KIFC2: variants seen among roughly 807,000 people sequenced by gnomAD.
KIFC2 encodes kinesin-like protein KIFC2.
A neutral mutation model predicts 91.5 loss-of-function variants in KIFC2; 94 were observed. The ratio of observed to expected loss-of-function variants is 1.03; its 90% confidence interval spans 0.87 to 1.22. KIFC2 has a LOEUF of 1.22. Ranked by LOEUF, KIFC2 falls within the 50% of genes most tolerant of loss-of-function variation. The pLI is 0.00. For missense variants in KIFC2, 1,357 were observed against 1,103.3 expected, an observed-to-expected ratio of 1.23 and a Z score of -3.26; for synonymous variants, 729 against 503.9, an observed-to-expected ratio of 1.45 and a Z score of -5.98.
In KIFC2 at chr8:144,467,699, C is replaced by G. The variant is rs771077171; in HGVS notation, c.616-15C>G. 6.2e-6 allele frequency: 10 copies of G among 1,613,510 alleles called. No homozygotes were observed. In the South Asian group the frequency reaches 8.8e-5, roughly 14 times the overall value. ...GAAAAAGGAGGTCCACCCTGTCTCT[C>G]TTACTTCTCCCCAGCTGGAGGAGCT... On this transcript the variant is annotated splice_polypyrimidine_tract_variant and intron_variant, in intron 5 of 17. Transcript: ENST00000645548.
intron 12 of KIFC2, among the ~76,000 whole-genome samples, chr8:144,469,921 C>T: frequency 6.6e-6 from 1 of 152,242 alleles, no homozygotes; most frequent in East Asian, 1.9e-4. Context: ...TGCTTTATGG[C>T]CCCAAGGCAG....
rs745840567 is a variant in KIFC2, at chr8:144,467,570, C to T, written c.555C>T (p.Pro185=). The T allele has an allele frequency of 1.2e-5, 20 of 1,605,506 alleles. No individual in the cohort carries two copies. Among genetic ancestry groups the T allele is most frequent in the South Asian group, 3.3e-5 (3 of 89,988 alleles). ...GGGATGAGACCCAGGGACAGCAGCCCCTCCAGTTGGAGGAGGATCAGAGGG... is the reference window on the plus strand; with the variant it reads ...GGGATGAGACCCAGGGACAGCAGCCTCTCCAGTTGGAGGAGGATCAGAGGG... The part of the protein sequence containing the change: ...PLGDETQGQQ[P]LQLEEDQRAW... Residue 185 remains proline, a synonymous_variant, in exon 5 of 18, where the codon CCC becomes CCT. Transcript: ENST00000645548.
In KIFC2 at chr8:144,473,836, T is replaced by G; in HGVS notation, c.*447T>G. ...GTTTCCCGAAAAAGGTGCTACCTCC[T>G]TTCCAGACAGATGAGAGAGGGCAGG... On this transcript the variant is annotated 3_prime_UTR_variant, in exon 18 of 18. Transcript: ENST00000645548. The G allele has an allele frequency of 2.8e-6, 1 of 356,426 alleles. No individual in the cohort carries two copies. The highest frequency in any genetic ancestry group is 5.5e-5 in the South Asian group (1 of 18,150). 22.1% of individuals were successfully genotyped at this position (356,426 alleles called of 1,614,324 possible).
Position 144,468,318 on chromosome 8 carries a change from C to G in KIFC2, c.811-11C>G. 1 of 1,605,312 alleles carries G rather than the reference C, an allele frequency of 6.2e-7. No homozygotes were observed. The highest frequency in any genetic ancestry group is 8.5e-7 in the Non-Finnish European group (1 of 1,176,424). On this transcript the variant is annotated splice_polypyrimidine_tract_variant and intron_variant, in intron 7 of 17. Transcript: ENST00000645548. ...CTCTCTGAGTCCCTCCTGGCCCCCA[C>G]CCTCCCGCAGGAGGAGGCAGAGGCA...
rs1382430987 is a variant in KIFC2, at chr8:144,473,555, G to A, written c.*166G>A. 3.6e-6 allele frequency: 4 copies of A among 1,116,250 alleles called. No individual in the cohort carries two copies. Among genetic ancestry groups the A allele is most frequent in the Admixed American group, 6.1e-5 (2 of 32,868 alleles). The allele number at this position is 1,116,250 out of a possible 1,614,324, so 69.1% of individuals were successfully genotyped here. ...CCCCTCCACCTCCGCAGCCAGTGAA[G>A]TGTGTTGTGCCTGCTGAAGTGATCA... On this transcript the variant is annotated 3_prime_UTR_variant, in exon 18 of 18. Coordinates refer to ENST00000645548, the MANE Select transcript of KIFC2 (RefSeq NM_001369769.2).
intron 7 of KIFC2, 32 bp from the exon 8 acceptor site, chr8:144,468,297 C>T (rs375414589): frequency 1.1e-5 from 17 of 1,574,792 alleles, no homozygotes; most frequent in African/African-American, 5.4e-5. Flanking sequence ...CCGTCCCTCT[C>T]TGAGTCCCTC....
chr8:144,472,383 C>T lies in KIFC2; in HGVS notation c.1630C>T (p.Pro544Ser), dbSNP rs779162092. Residue 544 changes from proline to serine, a missense_variant, in exon 15 of 18, where the codon CCC (proline) becomes TCC (serine). Coordinates refer to ENST00000645548, the MANE Select transcript of KIFC2 (RefSeq NM_001369769.2). The stretch of plus-strand genomic sequence containing the variant: ...CAGGGACCTCCTTGCTCCAGGGCCT[C>T]CCGAGCGCCTGGCCGTGAGGCAGGG... ...AVRDLLAPGP[P>S]ERLAVRQGPE... 47 of 1,613,228 alleles carry T rather than the reference C, an allele frequency of 2.9e-5. No homozygotes were observed. In the South Asian group the frequency reaches 5.0e-4, roughly 17 times the overall value.
At chr8:144,466,610 G>T in intron 1 of KIFC2, 92 bp downstream of exon 1, 1 of 847,810 alleles carries the variant, frequency 1.2e-6, no homozygotes, top group Non-Finnish European at 1.6e-6. Flanking sequence ...CACGGGGCGC[G>T]GGGCGACGGG....
In KIFC2 at chr8:144,466,983, C is replaced by T. The variant is rs1295035880; in HGVS notation, c.203C>T (p.Ser68Leu). The change falls in exon 3 of 18, where the codon TCG becomes TTG. Residue 68 changes from serine (S) to leucine (L), a missense_variant. Transcript: ENST00000645548. ...GCCAGCTCCGAGCCTGAGGATGGGT[C>T]GGAAGGCGCAGCCGAGGGCCGCGCG... Reference protein sequence around the residue: ...LAASSEPEDGSEGAAEGRAAA... With the variant: ...LAASSEPEDGLEGAAEGRAAA... 3 of 1,596,278 alleles carry T rather than the reference C, an allele frequency of 1.9e-6. No homozygotes were observed. Among genetic ancestry groups the T allele is most frequent in the African/African-American group, 1.3e-5 (1 of 74,800 alleles).
At position 144,473,061 on chromosome 8, in the gene KIFC2, G is replaced by T; in HGVS notation, c.2118+10G>T. 1 of 1,426,790 alleles carries T rather than the reference G, an allele frequency of 7.0e-7. No individual in the cohort carries two copies. 88.4% of individuals were successfully genotyped at this position (1,426,790 alleles called of 1,614,324 possible). On this transcript the variant is annotated intron_variant, in intron 17 of 17. Coordinates refer to ENST00000645548, the MANE Select transcript of KIFC2 (RefSeq NM_001369769.2). ...GGTGCTGCTGCTGCAGGTGGGCGCC[G>T]GGGCGGGGCAGGTGTGTGCGTGCCG...
In KIFC2 at chr8:144,466,774, C is replaced by T; in HGVS notation, c.114C>T (p.Pro38=). The T allele has an allele frequency of 1.3e-6, 2 of 1,532,672 alleles. No individual in the cohort carries two copies. Among genetic ancestry groups the T allele is most frequent in the Non-Finnish European group, 8.7e-7 (1 of 1,146,596 alleles). The allele number at this position is 1,532,672 out of a possible 1,614,324, so 94.9% of individuals were successfully genotyped here. A position where few individuals can be genotyped will look rare whatever the true frequency, so the allele number is the denominator to read the frequency against. The stretch of plus-strand genomic sequence containing the variant: ...CCCCTCCCTAGAGAGCCCGCAAGCC[C>T]CGGGGTCGCCGGCGCCCAGACCTGC... ...PGDPAQRARK[P]RGRRRPDLPA... is the part of the protein sequence containing the mutation. The change falls in exon 2 of 18, where the codon CCC becomes CCT. Residue 38 remains proline (P), a synonymous_variant. Coordinates refer to ENST00000645548, the MANE Select transcript of KIFC2 (RefSeq NM_001369769.2).
chr8:144,473,914 G>C lies in KIFC2; in HGVS notation c.*525G>C. On this transcript the variant is annotated 3_prime_UTR_variant, in exon 18 of 18. Coordinates refer to ENST00000645548, the MANE Select transcript of KIFC2 (RefSeq NM_001369769.2). Reference sequence around the variant, plus strand: ...CTCCCTCCCCCAGCCTGGAGCACGGGAGGGGAGGTGACGGCTGGTGACTGA... The same window carrying C: ...CTCCCTCCCCCAGCCTGGAGCACGGCAGGGGAGGTGACGGCTGGTGACTGA... 1 of 434,718 alleles carries C rather than the reference G, an allele frequency of 2.3e-6. No homozygotes were observed. Among genetic ancestry groups the C allele is most frequent in the Non-Finnish European group, 4.1e-6 (1 of 243,738 alleles). 26.9% of individuals were successfully genotyped at this position (434,718 alleles called of 1,614,324 possible). A position where few individuals can be genotyped will look rare whatever the true frequency, so the allele number is the denominator to read the frequency against.
At chr8:144,467,686 C>T (rs978582564) in intron 5 of KIFC2, 28 bp from the exon 6 acceptor site, 6 of 1,611,644 alleles carry the variant, frequency 3.7e-6, no homozygotes, top group South Asian at 1.1e-5. Flanking sequence ...AAAAGGAGGT[C>T]CACCCTGTCT....
chr8:144,470,330 C>T (rs1398476544), intron 12 of KIFC2, among the ~76,000 whole-genome samples: 2 of 152,388 alleles, frequency 1.3e-5, no homozygotes, highest in East Asian at 3.9e-4. Context: ...CCCCACCCCA[C>T]ACTGCAGCAC....
chr8:144,471,611 T>G (rs892543456), intron 12 of KIFC2, among the ~76,000 whole-genome samples: 3 of 152,160 alleles, frequency 2.0e-5, no homozygotes, highest in African/African-American at 7.2e-5. Flanking sequence ...TCACGTTGGC[T>G]TCCACATTAA....
chr8:144,472,905 A>G lies in KIFC2; in HGVS notation c.1972A>G (p.Thr658Ala). 1 of 1,501,210 alleles carries G rather than the reference A, an allele frequency of 6.7e-7. No individual in the cohort carries two copies. The highest frequency in any genetic ancestry group is 8.8e-7 in the Non-Finnish European group (1 of 1,138,472). The allele number at this position is 1,501,210 out of a possible 1,614,324, so 93.0% of individuals were successfully genotyped here. The change falls in exon 17 of 18, where the codon ACC becomes GCC. Residue 658 changes from threonine (T) to alanine (A), a missense_variant. Physicochemically the swap from Thr to Ala is moderately conservative, Grantham distance 58. Coordinates refer to ENST00000645548, the MANE Select transcript of KIFC2 (RefSeq NM_001369769.2). ...CGCCCGGCGCCTGCGGGAGGCCCAG[A>G]CCATAAACCGCTCGCTGCTGGCGCT... Reference protein sequence around the residue: ...DGARRLREAQTINRSLLALGG... With the variant: ...DGARRLREAQAINRSLLALGG...
At chr8:144,470,144 G>GCCA (rs1824870957) in intron 12 of KIFC2, among the ~76,000 whole-genome samples, 1 of 152,214 alleles carries the variant, frequency 6.6e-6, no homozygotes, top group African/African-American at 2.4e-5. Context: ...TAAGGAGATG[G>GCCA]CAGCTCAGAG....
chr8:144,466,712 G>T (rs1490982611), intron 1 of KIFC2, 48 bp from the exon 2 acceptor site: 2 of 1,428,954 alleles, frequency 1.4e-6, no homozygotes, highest in Admixed American at 4.6e-5. Flanking sequence ...GAAGGGGCCA[G>T]CAGGCTGCCT....
chr8:144,468,156 T>C, intron 7 of KIFC2, 169 bp downstream of exon 7: 1 of 1,067,950 alleles, frequency 9.4e-7, no homozygotes, highest in East Asian at 2.6e-5. Context: ...GTGGCCCCTC[T>C]GAGTGGCTGA....
Sources: gnomAD v4.1 joint callset for allele counts (sites outside exome capture counted in the v4.1 genomes callset) on GRCh38, gnomAD v4.1.1 for gene constraint, MANE v1.5 for transcripts, NCBI Gene and HGNC (gene_info 2026-07-23, HGNC 2026-07-21) for gene names.